The following MYH4 variants were observed in gnomAD, a reference collection of about 807,000 sequenced individuals.
MYH4 encodes myosin-4.
In MYH4, 200 loss-of-function variants were observed where a neutral mutation model predicts 229.9. The ratio of observed to expected loss-of-function variants is 0.87; its 90% CI spans 0.78 to 0.98. The LOEUF (loss-of-function observed/expected upper bound fraction) is 0.98, where lower values mean the gene tolerates loss of function less well. MYH4 is among the 50% of genes least tolerant of loss of function. The pLI, the probability that MYH4 is intolerant of heterozygous loss-of-function variation, is 0.00. For synonymous variants in MYH4, 761 were observed against 834.6 expected (o/e 0.91, Z 1.52); for missense variants, 2,148 against 2,332.6 (o/e 0.92, Z 1.63).
At chr17:10,460,570 G>A (rs1266005298) in intron 12 of MYH4, among the ~76,000 whole-genome samples, 1 of 152,170 alleles carries the variant, frequency 6.6e-6, no homozygotes, top group East Asian at 1.9e-4. Flanking sequence ...GGCAAAAGTA[G>A]ACCACAGATA....
At chr17:10,454,911 G>A (rs748710087) in intron 21 of MYH4, 30 bp downstream of exon 21, 1 of 1,612,738 alleles carries the variant, frequency 6.2e-7, no homozygotes, top group East Asian at 2.2e-5. Context: ...TGAAAGTGTG[G>A]AGCAGGAAGA....
Position 10,455,747 on chromosome 17 carries a change from C to T in MYH4, c.2057-16G>A. On this transcript the variant is annotated splice_polypyrimidine_tract_variant and intron_variant, in intron 18 of 39. Transcript: ENST00000255381. ...TCCATGGCACCTAAGAGAATGAATC[C>T]ACATGCCATACTTCGTGGTCTATCG... 1 of 1,614,072 alleles carries T rather than the reference C, an allele frequency of 6.2e-7. No individual in the cohort carries two copies. Among genetic ancestry groups the T allele is most frequent in the Middle Eastern group, 1.6e-4 (1 of 6,062 alleles).
intron 34 of MYH4, 105 bp downstream of exon 34, chr17:10,447,713 G>A: frequency 8.9e-7 from 1 of 1,127,532 alleles, no homozygotes; most frequent in South Asian, 1.6e-5. Context: ...TGATTACCAT[G>A]TTGCTTAGGT....
intron 35 of MYH4, among the ~76,000 whole-genome samples, chr17:10,445,851 AC>A (rs2072506260): frequency 6.6e-6 from 1 of 151,844 alleles, no homozygotes; most frequent in Non-Finnish European, 1.5e-5. Flanking sequence ...ACACGGTGAA[AC>A]CCCGTCTCTA....
At chr17:10,452,729 T>G in intron 25 of MYH4, 58 bp downstream of exon 25, 2 of 1,520,548 alleles carry the variant, frequency 1.3e-6, no homozygotes, top group Non-Finnish European at 1.8e-6. Flanking sequence ...TTTTAGCGTA[T>G]GTTTCATTTG....
rs769658262 is a variant in MYH4, at chr17:10,452,906, C to A, written c.3138G>T (p.Lys1046Asn). The change falls in exon 25 of 40, where the codon AAG (lysine) becomes AAT (asparagine). Residue 1046 changes from lysine to asparagine, a missense_variant. Lys to Asn is a moderately conservative substitution (Grantham distance 94). Coordinates refer to ENST00000255381, the MANE Select transcript of MYH4 (RefSeq NM_017533.2). ...DDLEGSLEQE[K>N]KLCMDLERAK... ...CTCTTTCTAAGTCCATGCAAAGTTT[C>A]TTTTCTTGTTCCAGAGATCCTTCAA... is the stretch of plus-strand genomic sequence containing the variant. 4.4e-6 allele frequency: 7 copies of A among 1,603,310 alleles called. No homozygotes were observed. Among genetic ancestry groups the A allele is most frequent in the Non-Finnish European group, 5.1e-6 (6 of 1,177,854 alleles).
At chr17:10,455,553 A>G (rs1370668623) in intron 19 of MYH4, 61 bp downstream of exon 19, 2 of 1,583,288 alleles carry the variant, frequency 1.3e-6, no homozygotes, top group Non-Finnish European at 8.6e-7. Flanking sequence ...AAAATGTTGG[A>G]ATTATATAGT....
intron 15 of MYH4, among the ~76,000 whole-genome samples, chr17:10,458,967 T>C (rs1324144181): frequency 1.3e-5 from 2 of 152,206 alleles, no homozygotes; most frequent in African/African-American, 4.8e-5. Flanking sequence ...ATTTCATCCC[T>C]TTCTCCCATA....
In MYH4 at chr17:10,466,417, C is replaced by T; in HGVS notation, c.205-1G>A. ...CTTGGTCTTCTTTCACAGTTACAGT[C>T]TGTTAAGAAAAGAAAAAACAAGTGC... On this transcript the variant is annotated splice_acceptor_variant, in intron 3 of 39. Coordinates refer to ENST00000255381, the MANE Select transcript of MYH4 (RefSeq NM_017533.2). LOFTEE classifies it high-confidence loss of function. 6.2e-7 allele frequency: 1 copy of T among 1,613,750 alleles called. No individual in the cohort carries two copies.
chr17:10,462,964 C>T lies in MYH4; in HGVS notation c.909G>A (p.Met303Ile). The change falls in exon 11 of 40, where the codon ATG becomes ATA. Residue 303 changes from methionine (M) to isoleucine (I), a missense_variant. Coordinates refer to ENST00000255381, the MANE Select transcript of MYH4 (RefSeq NM_017533.2). Reference sequence around the variant, plus strand: ...CATATGGGTTGGTGGTGATCAGAAGCATTTCTGAACACATGGAAAAGAACA... The same window carrying T: ...CATATGGGTTGGTGGTGATCAGAAGTATTTCTGAACACATGGAAAAGAACA... ...LSNKKPELIEMLLITTNPYDF... is the reference protein window; with the variant it reads ...LSNKKPELIEILLITTNPYDF... The T allele has an allele frequency of 6.2e-7, 1 of 1,613,284 alleles. No homozygotes were observed. Among genetic ancestry groups the T allele is most frequent in the Admixed American group, 1.7e-5 (1 of 59,990 alleles).
At position 10,464,484 on chromosome 17, in the gene MYH4, A is replaced by C. The variant is rs759082280; in HGVS notation, c.636T>G (p.Ser212=). 1.2e-5 allele frequency: 19 copies of C among 1,613,026 alleles called. No homozygotes were observed. The highest frequency in any genetic ancestry group is 1.6e-5 in the Non-Finnish European group (19 of 1,179,744). ...ATATCATGCCCACCTGCATTTTGCCAGAGGCAGGTTCCTCTTTTTTCTTCT... is the reference window on the plus strand; with the variant it reads ...ATATCATGCCCACCTGCATTTTGCCCGAGGCAGGTTCCTCTTTTTTCTTCT... ...TGEKKKEEPA[S]GKMQGTLEDQ... The change falls in exon 7 of 40, where the codon TCT becomes TCG. Residue 212 remains serine, a synonymous_variant. Transcript: ENST00000255381.
chr17:10,463,493 C>G lies in MYH4; in HGVS notation c.741+58G>C, dbSNP rs997895136. On this transcript the variant is annotated intron_variant, in intron 8 of 39. Transcript: ENST00000255381. ...CAAACAGGTGGAAAAAATATTGACA[C>G]CACATGCACACAAGAATCAGTGCTG... 29 of 1,575,684 alleles carry G rather than the reference C, an allele frequency of 1.8e-5. 1 individual carries two copies. The highest frequency in any genetic ancestry group is 2.4e-5 in the Non-Finnish European group (28 of 1,147,396).
At chr17:10,450,943 C>T in intron 28 of MYH4, 48 bp from the exon 29 acceptor site, 1 of 1,442,106 alleles carries the variant, frequency 6.9e-7, no homozygotes, top group Admixed American at 1.7e-5. Context: ...TCTAGGTAAA[C>T]AATAATTTAA....
At position 10,451,794 on chromosome 17, in the gene MYH4, TTCAA is replaced by T; in HGVS notation, c.3738+143_3738+146del. ...AAAGAAGTTAAGAGAACTTAAGTGA[TTCAA>T]TACAATAATGTGTACTAGGAGTAAG... On this transcript the variant is annotated intron_variant, in intron 27 of 39. Coordinates refer to ENST00000255381, the MANE Select transcript of MYH4 (RefSeq NM_017533.2). 1.9e-5 allele frequency: 19 copies of T among 1,023,598 alleles called. No homozygotes were observed. In the South Asian group the frequency reaches 3.4e-4, roughly 18 times the overall value. 63.4% of individuals were successfully genotyped at this position (1,023,598 alleles called of 1,614,324 possible).
chr17:10,444,371 C>T (rs1046453760), intron 39 of MYH4, among the ~76,000 whole-genome samples: 1 of 152,094 alleles, frequency 6.6e-6, no homozygotes, highest in Non-Finnish European at 1.5e-5. Flanking sequence ...AACTAAGAAA[C>T]ATTTGTATGT....
intron 4 of MYH4, 34 bp from the exon 5 acceptor site, chr17:10,465,632 T>A: frequency 6.2e-7 from 1 of 1,613,470 alleles, no homozygotes; most frequent in Non-Finnish European, 8.5e-7. Flanking sequence ...CGATCAGCAA[T>A]CACCTTGTTT....
chr17:10,465,173 C>A (rs1384553984), intron 5 of MYH4, among the ~76,000 whole-genome samples: 1 of 152,128 alleles, frequency 6.6e-6, no homozygotes, highest in Non-Finnish European at 1.5e-5. Context: ...TGAGGTGGAA[C>A]TAGCATTAGT....
chr17:10,464,852 G>T (rs1424024817), intron 5 of MYH4, 144 bp from the exon 6 acceptor site: 1 of 791,026 alleles, frequency 1.3e-6, no homozygotes, highest in East Asian at 2.7e-5. Flanking sequence ...TTCTCATAAG[G>T]TTTTTCTAAA....
Position 10,450,847 on chromosome 17 carries a change from A to T in MYH4, c.3914T>A (p.Leu1305Gln), listed in dbSNP as rs1459075599. ...LDEKDAMVSQ[L>Q]SRGKQAFTQQ... The stretch of plus-strand genomic sequence containing the variant: ...TGTAAATGCTTGTTTGCCTCGGGAT[A>T]GCTGAGAAACCATAGCATCTTTTTC... The change falls in exon 29 of 40, where the codon CTA becomes CAA. Residue 1305 changes from leucine to glutamine, a missense_variant. Transcript: ENST00000255381. 5 of 1,614,150 alleles carry T rather than the reference A, an allele frequency of 3.1e-6. No homozygotes were observed. Among genetic ancestry groups the T allele is most frequent in the Non-Finnish European group, 4.2e-6 (5 of 1,180,016 alleles).
Sources: gnomAD v4.1 joint callset for allele counts (sites outside exome capture counted in the v4.1 genomes callset) on GRCh38, gnomAD v4.1.1 for gene constraint, MANE v1.5 for transcripts, NCBI Gene and HGNC (gene_info 2026-07-23, HGNC 2026-07-21) for gene names.